Variants in PCGF6 observed in about 807,000 individuals in gnomAD.
The protein encoded by PCGF6 is polycomb group RING finger protein 6.
PCGF6 carries 24 observed loss-of-function variants against 45.5 expected under a neutral mutation model. The ratio of observed to expected loss-of-function variants is 0.53; its 90% CI spans 0.38 to 0.74. The LOEUF (loss-of-function observed/expected upper bound fraction) is 0.74. Among genes scored for constraint, PCGF6 ranks in the 30% least tolerant of loss-of-function variants. The pLI, the probability that PCGF6 is intolerant of heterozygous loss-of-function variation, is 0.00. For synonymous variants in PCGF6, 152 were observed against 162.1 expected (o/e 0.94, Z 0.47); for missense variants, 356 against 443.2 (o/e 0.80, Z 1.77).
At position 103,303,693 on chromosome 10, in the gene PCGF6, C is replaced by T; in HGVS notation, c.*212G>A. 1 of 400,540 alleles carries T rather than the reference C, an allele frequency of 2.5e-6. No individual in the cohort carries two copies. Among genetic ancestry groups the T allele is most frequent in the Non-Finnish European group, 4.5e-6 (1 of 222,902 alleles). The allele number at this position is 400,540 out of a possible 1,614,324, so 24.8% of individuals were successfully genotyped here. On this transcript the variant is annotated 3_prime_UTR_variant, in exon 10 of 10. Transcript: ENST00000369847. ...CAATTTTTGAAAAATTTCCCCTGAG[C>T]TTTGGCTGCTTTTTATATACAGTCT...
chr10:103,326,424 T>C, intron 8 of PCGF6, 110 bp downstream of exon 8: 1 of 548,816 alleles, frequency 1.8e-6, no homozygotes, highest in Non-Finnish European at 2.9e-6. Flanking sequence ...TACAACATCA[T>C]AAAACAAAAA....
intron 9 of PCGF6, among the ~76,000 whole-genome samples, chr10:103,309,000 C>T (rs927132650): frequency 2.6e-5 from 4 of 152,120 alleles, no homozygotes; most frequent in African/African-American, 9.7e-5. Flanking sequence ...GAGTTATTTG[C>T]CCAATGTTTA....
intron 8 of PCGF6, among the ~76,000 whole-genome samples, chr10:103,319,211 G>C (rs538626771): frequency 2.6e-5 from 4 of 152,180 alleles, no homozygotes; most frequent in African/African-American, 7.2e-5. Context: ...ATGCAGTGGT[G>C]GGATCTCGGC....
intron 7 of PCGF6, among the ~76,000 whole-genome samples, chr10:103,330,376 A>G (rs914340305): frequency 2.0e-5 from 3 of 152,050 alleles, no homozygotes; most frequent in Non-Finnish European, 2.9e-5. Flanking sequence ...TGCCTGGACA[A>G]GCATATATTG....
rs1389278956 is a variant in PCGF6 at position 103,326,577 on chromosome 10, T to C, written c.866A>G (p.Glu289Gly). The C allele has an allele frequency of 6.2e-7, 1 of 1,612,648 alleles. No homozygotes were observed. The highest frequency in any genetic ancestry group is 8.5e-7 in the Non-Finnish European group (1 of 1,179,768). ...ACCCATTTTTCTTCTGAGGAATTTT[T>C]CTACATGTCCAATAGTTGCTTCTCC... ...VSGEATIGHV[E>G]KFLRRKMGLD... Residue 289 changes from glutamate (E) to glycine (G), a missense_variant, in exon 8 of 10, where the codon GAA (glutamate) becomes GGA (glycine). This residue lies in a region of PCGF6 where 49 missense variants were observed against 93.0 expected (regional missense o/e 0.53). Transcript: ENST00000369847.
intron 8 of PCGF6, among the ~76,000 whole-genome samples, chr10:103,323,970 C>T (rs2093207123): frequency 6.6e-6 from 1 of 151,656 alleles, no homozygotes; most frequent in African/African-American, 2.4e-5. Flanking sequence ...GACAGATTAT[C>T]ACTCTGTCGC....
chr10:103,314,954 TAAAAAA>T (rs60182387), intron 8 of PCGF6, among the ~76,000 whole-genome samples: 2 of 57,186 alleles, frequency 3.5e-5, no homozygotes, highest in Admixed American at 2.7e-4. Flanking sequence ...GACTCTGTCA[TAAAAAA>T]AAAAAAAAAA....
intron 8 of PCGF6, among the ~76,000 whole-genome samples, chr10:103,319,719 A>G (rs1343638991): frequency 6.6e-6 from 1 of 152,192 alleles, no homozygotes; most frequent in African/African-American, 2.4e-5. Flanking sequence ...AATAAATGGT[A>G]TGGAAACATC....
intron 6 of PCGF6, among the ~76,000 whole-genome samples, chr10:103,342,981 T>C (rs928486673): frequency 1.3e-5 from 2 of 151,988 alleles, no homozygotes; most frequent in Middle Eastern, 3.2e-3. Flanking sequence ...CAGGCTGGAG[T>C]GCAGTGGCAC....
At chr10:103,349,376 C>G (rs2093312183) in intron 1 of PCGF6, among the ~76,000 whole-genome samples, 1 of 151,662 alleles carries the variant, frequency 6.6e-6, no homozygotes. Context: ...AAACCATAAT[C>G]TCAAAATGTC....
At chr10:103,345,736 G>A (rs2093296611) in intron 5 of PCGF6, among the ~76,000 whole-genome samples, 2 of 151,954 alleles carry the variant, frequency 1.3e-5, no homozygotes, top group Non-Finnish European at 2.9e-5. Flanking sequence ...GCTGAGACAG[G>A]AGGACCGCTT....
chr10:103,347,515 GTTAA>G (rs2093303865), intron 3 of PCGF6, 65 bp from the exon 4 acceptor site: 15 of 1,323,734 alleles, frequency 1.1e-5, no homozygotes, highest in Non-Finnish European at 1.5e-5. Flanking sequence ...TACAGAGTGA[GTTAA>G]TTGTGTTTTC....
At chr10:103,307,898 T>C (rs1221743077) in intron 9 of PCGF6, among the ~76,000 whole-genome samples, 3 of 152,238 alleles carry the variant, frequency 2.0e-5, no homozygotes, top group Admixed American at 2.0e-4. Context: ...CTATGGTTTA[T>C]TGTGGAAATC....
intron 6 of PCGF6, among the ~76,000 whole-genome samples, chr10:103,343,631 G>C (rs2093288812): frequency 6.6e-6 from 1 of 151,598 alleles, no homozygotes; most frequent in Admixed American, 6.6e-5. Context: ...CTGAGGTCAG[G>C]AGACCAGCTT....
At chr10:103,313,232 T>C (rs113683594) in intron 9 of PCGF6, among the ~76,000 whole-genome samples, 2 of 152,184 alleles carry the variant, frequency 1.3e-5, no homozygotes, top group African/African-American at 4.8e-5. Context: ...TTGGCTTCCC[T>C]GGGCCACACT....
At chr10:103,347,694 T>G (rs189159344) in intron 3 of PCGF6, among the ~76,000 whole-genome samples, 19 of 152,146 alleles carry the variant, frequency 1.2e-4, no homozygotes, top group East Asian at 3.9e-4. Context: ...GCATTGTTTT[T>G]TGTGTGTGTG....
rs139788971 is a variant in PCGF6 at position 103,329,661 on chromosome 10, C to T, written c.811-3029G>A. Among the ~76,000 whole-genome samples the T allele has an allele frequency of 8.1e-4, 121 of 150,112 alleles. No individual in the cohort carries two copies. The East Asian group carries it at 0.02, about 25-fold the overall frequency. ...CTAATTTTTGTTTTTTTAGTAGAGA[C>T]AGGGTTTCACCATGTTGGCCAGGCT... On this transcript the variant is annotated intron_variant, in intron 7 of 9. Coordinates refer to ENST00000369847, the MANE Select transcript of PCGF6 (RefSeq NM_001011663.2).
At chr10:103,328,959 A>G (rs1435156091) in intron 7 of PCGF6, among the ~76,000 whole-genome samples, 2 of 151,494 alleles carry the variant, frequency 1.3e-5, no homozygotes, top group Non-Finnish European at 2.9e-5. Flanking sequence ...GTTAGCCAGG[A>G]TGGTCTCGAT....
At chr10:103,339,465 T>A (rs1193218684) in intron 6 of PCGF6, among the ~76,000 whole-genome samples, 1 of 151,086 alleles carries the variant, frequency 6.6e-6, no homozygotes, top group Admixed American at 6.6e-5. Context: ...TTTCTAAGGT[T>A]CAATTTTTAT....
Sources: gnomAD v4.1 joint callset for allele counts (sites outside exome capture counted in the v4.1 genomes callset) on GRCh38, gnomAD v4.1.1 for gene constraint, gnomAD v4.1.1 regional missense constraint, MANE v1.5 for transcripts, NCBI Gene and HGNC (gene_info 2026-07-23, HGNC 2026-07-21) for gene names.